The following PLCB1 variants were observed in gnomAD, a reference collection of about 807,000 sequenced individuals.
PLCB1 encodes phospholipase C beta 1.
In PLCB1, 46 loss-of-function variants were observed where a neutral mutation model predicts 161.8. That is an observed-to-expected ratio of 0.28 (90% CI 0.22 to 0.36). PLCB1 has a LOEUF of 0.36. Among genes scored for constraint, PLCB1 ranks in the 10% least tolerant of loss-of-function variants. The pLI, the probability that PLCB1 is intolerant of heterozygous loss-of-function variation, is 1.00. For synonymous variants in PLCB1, 517 were observed against 503.7 expected, an observed-to-expected ratio of 1.03 and a Z score of -0.35; for missense variants, 1,016 against 1,472.5, an observed-to-expected ratio of 0.69 and a Z score of 5.07.
intron 31 of PLCB1, among the ~76,000 whole-genome samples, chr20:8,791,170 G>A (rs972382567): frequency 6.6e-6 from 1 of 151,812 alleles, no homozygotes; most frequent in Non-Finnish European, 1.5e-5. Context: ...TATTATATAA[G>A]ACATTTATTT....
intron 3 of PLCB1, chr20:8,372,175 G>C (rs1219467737): frequency 6.6e-6 from 1 of 152,138 alleles, no homozygotes; most frequent in African/African-American, 2.4e-5. Context: ...CTGGCAGAGA[G>C]GGTATTGGCA....
At chr20:8,340,825 T>C (rs1355877434) in intron 2 of PLCB1, among the ~76,000 whole-genome samples, 1 of 152,230 alleles carries the variant, frequency 6.6e-6, no homozygotes, top group African/African-American at 2.4e-5. Context: ...GATGTTCCTG[T>C]GATCTCATGG....
chr20:8,470,541 T>C (rs1982006558), intron 3 of PLCB1, among the ~76,000 whole-genome samples: 1 of 152,172 alleles, frequency 6.6e-6, no homozygotes, highest in Non-Finnish European at 1.5e-5. Flanking sequence ...ATTTGCTTAC[T>C]TTGTTTTCTT....
In PLCB1 at chr20:8,369,903, C is replaced by G. The variant is rs142385215; in HGVS notation, c.178-1479C>G. Among the ~76,000 whole-genome samples the G allele has an allele frequency of 1.8e-3, 273 of 152,308 alleles. 1 individual carries two copies. In the Middle Eastern group the frequency reaches 0.024, roughly 13 times the overall value. ...TTCACCTTTAATTTGGCCTTTACTA[C>G]AAGGCAATCTTAGGTGCAGAAAAAT... On this transcript the variant is annotated intron_variant, in intron 2 of 31. Coordinates refer to ENST00000338037, the MANE Select transcript of PLCB1 (RefSeq NM_015192.4).
chr20:8,232,935 T>C (rs192245482), intron 2 of PLCB1, among the ~76,000 whole-genome samples: 85 of 152,286 alleles, frequency 5.6e-4, no homozygotes, highest in African/African-American at 2.0e-3. Flanking sequence ...TGCTATGGGC[T>C]GGGCTCTAAG....
chr20:8,729,846 C>T (rs1980139124), intron 18 of PLCB1: 1 of 151,938 alleles, frequency 6.6e-6, no homozygotes, highest in Admixed American at 6.6e-5. Context: ...TGTTGTGCTA[C>T]ATTACTCCGC....
intron 2 of PLCB1, among the ~76,000 whole-genome samples, chr20:8,231,655 A>G (rs1459629456): frequency 6.6e-6 from 1 of 152,102 alleles, no homozygotes; most frequent in Non-Finnish European, 1.5e-5. Context: ...CTTTGCACGC[A>G]TTCCCAAGTC....
chr20:8,155,549 A>G (rs1295953539), intron 2 of PLCB1, among the ~76,000 whole-genome samples: 1 of 152,244 alleles, frequency 6.6e-6, no homozygotes, highest in Non-Finnish European at 1.5e-5. Flanking sequence ...AATATTTTGA[A>G]TGATGCATCA....
At chr20:8,880,864 T>C (rs1423886659) in intron 31 of PLCB1, 8 of 140,600 alleles carry the variant, frequency 5.7e-5, no homozygotes, top group Non-Finnish European at 9.1e-5. Context: ...TTCTTTCTTT[T>C]TTTTTTTTTT....
At chr20:8,647,780 A>G in intron 5 of PLCB1, 120 bp from the exon 6 acceptor site, 4 of 724,450 alleles carry the variant, frequency 5.5e-6, no homozygotes, top group Non-Finnish European at 9.7e-6. Flanking sequence ...AGACTTGGGC[A>G]GTTTGTGGAA....
At chr20:8,262,653 C>G (rs1981762429) in intron 2 of PLCB1, among the ~76,000 whole-genome samples, 1 of 152,194 alleles carries the variant, frequency 6.6e-6, no homozygotes, top group African/African-American at 2.4e-5. Context: ...TTTGAGCTCT[C>G]TTTTCGTACA....
intron 2 of PLCB1, among the ~76,000 whole-genome samples, chr20:8,187,566 G>A (rs749400566): frequency 2.0e-5 from 3 of 152,096 alleles, no homozygotes; most frequent in African/African-American, 4.8e-5. Context: ...TGACTGGCAG[G>A]TATCTCTCCA....
intron 3 of PLCB1, among the ~76,000 whole-genome samples, chr20:8,522,962 T>G (rs147509630): frequency 1.3e-5 from 2 of 152,254 alleles, no homozygotes; most frequent in African/African-American, 2.4e-5. Flanking sequence ...CTGGGACATT[T>G]TAGTCAAACT....
intron 3 of PLCB1, among the ~76,000 whole-genome samples, chr20:8,547,871 C>G (rs924297247): frequency 6.6e-6 from 1 of 152,164 alleles, no homozygotes; most frequent in African/African-American, 2.4e-5. Flanking sequence ...TGCTCTAGCC[C>G]CACTCACTTC....
chr20:8,405,119 G>A (rs557992129), intron 3 of PLCB1, among the ~76,000 whole-genome samples: 14 of 152,102 alleles, frequency 9.2e-5, no homozygotes, highest in Non-Finnish European at 2.1e-4. Context: ...ATAAACATTT[G>A]TTATTGCTAA....
intron 31 of PLCB1, among the ~76,000 whole-genome samples, chr20:8,866,250 T>C (rs1049037088): frequency 2.0e-5 from 3 of 152,202 alleles, no homozygotes; most frequent in Admixed American, 6.5e-5. Context: ...TATTCAAGAA[T>C]AGGATCAAAA....
chr20:8,880,652 C>A (rs185629488), intron 31 of PLCB1, among the ~76,000 whole-genome samples: 49 of 152,230 alleles, frequency 3.2e-4, no homozygotes, highest in Admixed American at 6.5e-4. Flanking sequence ...CTGACTAAAG[C>A]TGCACATCTC....
At chr20:8,585,147 G>C (rs1053357161) in intron 3 of PLCB1, among the ~76,000 whole-genome samples, 1 of 152,138 alleles carries the variant, frequency 6.6e-6, no homozygotes, top group Non-Finnish European at 1.5e-5. Flanking sequence ...CTTACTTTTG[G>C]GGGGCAAAAT....
At chr20:8,576,167 G>A (rs1450536686) in intron 3 of PLCB1, among the ~76,000 whole-genome samples, 1 of 151,988 alleles carries the variant, frequency 6.6e-6, no homozygotes, top group Non-Finnish European at 1.5e-5. Flanking sequence ...TCTAATAATT[G>A]GTGGGTATTT....
Sources: gnomAD v4.1 joint callset for allele counts (sites outside exome capture counted in the v4.1 genomes callset) on GRCh38, gnomAD v4.1.1 for gene constraint, MANE v1.5 for transcripts, NCBI Gene and HGNC (gene_info 2026-07-23, HGNC 2026-07-21) for gene names.